LIFR: variants seen among roughly 807,000 people sequenced by gnomAD.
LIFR encodes LIF receptor subunit alpha, also known as leukemia inhibitory factor receptor.
LIFR carries 84 observed loss-of-function variants against 122.2 expected under a neutral mutation model. That is an observed-to-expected ratio of 0.69 (90% confidence interval 0.58 to 0.82). The LOEUF (loss-of-function observed/expected upper bound fraction) is 0.82. Ranked by LOEUF, LIFR falls within the 40% of genes least tolerant of loss-of-function variation. The pLI is 0.00. For synonymous variants in LIFR, 422 were observed against 434.7 expected (o/e 0.97, Z 0.36); for missense variants, 1,294 against 1,311.6 (o/e 0.99, Z 0.21).
chr5:38,478,182 A>G lies in LIFR; in HGVS notation c.*3413T>C. The G allele has an allele frequency of 4.8e-6, 1 of 208,606 alleles. No individual in the cohort carries two copies. Among genetic ancestry groups the G allele is most frequent in the Non-Finnish European group, 9.8e-6 (1 of 102,408 alleles). 12.9% of individuals were successfully genotyped at this position (208,606 alleles called of 1,614,324 possible). On this transcript the variant is annotated 3_prime_UTR_variant, in exon 20 of 20. Transcript: ENST00000453190. ...AAATATGGACGGCATGAAGACAATT[A>G]AGAAACTATAGGACTTATTTCCAAC...
intron 1 of LIFR, among the ~76,000 whole-genome samples, chr5:38,551,046 C>T (rs1580171498): frequency 6.6e-6 from 1 of 152,120 alleles, no homozygotes; most frequent in Admixed American, 6.5e-5. Context: ...TTTACATTTA[C>T]AGTAAAATTG....
rs1743870392 is a variant in LIFR at position 38,479,375 on chromosome 5, G to GA, written c.*2219dup. Reference sequence around the variant, plus strand: ...TGATATTCTGCACTTTTTTCATACAGAAAAAAACAATGAAGTCTTGGATAG... The same window carrying GA: ...TGATATTCTGCACTTTTTTCATACAGAAAAAAAACAATGAAGTCTTGGATAG... On this transcript the variant is annotated 3_prime_UTR_variant, in exon 20 of 20. Coordinates refer to ENST00000453190, the MANE Select transcript of LIFR (RefSeq NM_001127671.2). The GA allele has an allele frequency of 1.3e-5, 3 of 230,370 alleles. No individual in the cohort carries two copies. Among genetic ancestry groups the GA allele is most frequent in the African/African-American group, 2.2e-5 (1 of 45,184 alleles). The allele number at this position is 230,370 out of a possible 1,614,324, so 14.3% of individuals were successfully genotyped here. A position where few individuals can be genotyped will look rare whatever the true frequency, so the allele number is the denominator to read the frequency against.
At chr5:38,549,951 C>T (rs1748112984) in intron 1 of LIFR, among the ~76,000 whole-genome samples, 1 of 152,122 alleles carries the variant, frequency 6.6e-6, no homozygotes, top group Non-Finnish European at 1.5e-5. Flanking sequence ...AAGTAGGCTT[C>T]TTAAGAATCA....
chr5:38,591,627 C>A (rs1334958092), intron 1 of LIFR, among the ~76,000 whole-genome samples: 3 of 152,158 alleles, frequency 2.0e-5, no homozygotes, highest in Admixed American at 2.0e-4. Context: ...TATTCACAAA[C>A]TTTTGTGGTC....
rs73079419 is a variant in LIFR at position 38,540,086 on chromosome 5, A to C, written c.-19-9420T>G. 6.0e-3 allele frequency among the ~76,000 whole-genome samples: 917 copies of C among 152,260 alleles called. 11 individuals carry two copies. Among genetic ancestry groups the C allele is most frequent in the African/African-American group, 0.021 (853 of 41,540 alleles). On this transcript the variant is annotated intron_variant, in intron 1 of 19. Coordinates refer to ENST00000453190, the MANE Select transcript of LIFR (RefSeq NM_001127671.2). The stretch of plus-strand genomic sequence containing the variant: ...TACTAAACTGTAAAATGAGCAACTA[A>C]GCTGGAGTCAGGAGTCCTGGACTCC...
chr5:38,522,736 CT>C (rs1561172285), intron 5 of LIFR, among the ~76,000 whole-genome samples: 1 of 152,098 alleles, frequency 6.6e-6, no homozygotes, highest in African/African-American at 2.4e-5. Context: ...ATAGAATAAT[CT>C]TTTTTATTAT....
chr5:38,555,146 TATAAAGCA>T (rs1748447884), intron 1 of LIFR: 4 of 152,216 alleles, frequency 2.6e-5, no homozygotes, highest in Admixed American at 1.3e-4. Context: ...TGCCCCCGAC[TATAAAGCA>T]TAAAGTCAAC....
chr5:38,484,666 A>C, intron 18 of LIFR, 109 bp downstream of exon 18: 1 of 740,640 alleles, frequency 1.4e-6, no homozygotes, highest in Non-Finnish European at 2.4e-6. Context: ...TTTTTAACTA[A>C]CTTATTACAA....
At chr5:38,535,936 A>C (rs912203984) in intron 1 of LIFR, among the ~76,000 whole-genome samples, 63 of 152,202 alleles carry the variant, frequency 4.1e-4, no homozygotes, top group African/African-American at 1.5e-3. Context: ...CAGAATATCT[A>C]AGTTTTTGAA....
chr5:38,565,489 C>T (rs1282993414), intron 1 of LIFR, among the ~76,000 whole-genome samples: 4 of 151,916 alleles, frequency 2.6e-5, no homozygotes, highest in African/African-American at 9.7e-5. Context: ...GTGGGAAGGG[C>T]AGACAGTGCC....
chr5:38,586,088 T>C (rs1749738434), intron 1 of LIFR, among the ~76,000 whole-genome samples: 1 of 152,188 alleles, frequency 6.6e-6, no homozygotes, highest in South Asian at 2.1e-4. Context: ...TAAGTAGATA[T>C]TTGCCTGGGG....
chr5:38,590,192 G>C (rs1749878165), intron 1 of LIFR, among the ~76,000 whole-genome samples: 1 of 152,164 alleles, frequency 6.6e-6, no homozygotes, highest in African/African-American at 2.4e-5. Flanking sequence ...CATGAGAACA[G>C]ATTACATCCT....
intron 1 of LIFR, among the ~76,000 whole-genome samples, chr5:38,533,662 G>A (rs537001584): frequency 6.6e-6 from 1 of 152,168 alleles, no homozygotes; most frequent in Non-Finnish European, 1.5e-5. Flanking sequence ...TTTTGTCTCT[G>A]TTCCCCTGTC....
chr5:38,482,724 A>C, intron 18 of LIFR, 57 bp from the exon 19 acceptor site: 1 of 717,290 alleles, frequency 1.4e-6, no homozygotes. Context: ...TTAGATAATA[A>C]ATTAATAAAT....
Position 38,524,834 on chromosome 5 carries a change from C to T in LIFR, c.398-1252G>A, listed in dbSNP as rs373893699. On this transcript the variant is annotated intron_variant, in intron 4 of 19. Coordinates refer to ENST00000453190, the MANE Select transcript of LIFR (RefSeq NM_001127671.2). The stretch of plus-strand genomic sequence containing the variant: ...ATCTTCAAGGAGCCAAAAACACCAA[C>T]ATGAATCCAGAGAGGGAATCCTAGA... Among the ~76,000 whole-genome samples the T allele has an allele frequency of 2.8e-4, 42 of 152,320 alleles. No homozygotes were observed. The South Asian group carries it at 7.9e-3, about 29-fold the overall frequency.
chr5:38,533,626 C>T (rs1409726398), intron 1 of LIFR, among the ~76,000 whole-genome samples: 1 of 152,228 alleles, frequency 6.6e-6, no homozygotes, highest in Non-Finnish European at 1.5e-5. Flanking sequence ...ATACCAGAAA[C>T]TAGTCCCAAC....
At chr5:38,558,016 T>G (rs1417532612), upstream of LIFR, 1 of 152,220 alleles carries the variant, frequency 6.6e-6, no homozygotes, top group African/African-American at 2.4e-5. Flanking sequence ...ATCCTGTCAC[T>G]GTCTTTTCCA....
intron 5 of LIFR, among the ~76,000 whole-genome samples, chr5:38,516,458 G>C (rs1408477789): frequency 6.6e-6 from 1 of 152,148 alleles, no homozygotes; most frequent in African/African-American, 2.4e-5. Flanking sequence ...AGAACAAAAA[G>C]GTCATCATCA....
intron 1 of LIFR, among the ~76,000 whole-genome samples, chr5:38,592,626 C>A (rs1207974029): frequency 1.4e-5 from 2 of 142,936 alleles, no homozygotes; most frequent in African/African-American, 5.3e-5. Context: ...CACTGCGCTC[C>A]AGCCTGGGCG....
Sources: allele counts gnomAD v4.1 joint callset (sites outside exome capture counted in the v4.1 genomes callset), GRCh38; gene constraint gnomAD v4.1.1; transcripts MANE v1.5; gene names NCBI Gene and HGNC (gene_info 2026-07-23, HGNC 2026-07-21).